TMTC1: variants seen among roughly 807,000 people sequenced by gnomAD.
TMTC1 encodes protein O-mannosyl-transferase TMTC1.
A neutral mutation model predicts 104.8 loss-of-function variants in TMTC1; 73 were observed. The ratio of observed to expected loss-of-function variants is 0.70; its 90% CI spans 0.58 to 0.85. TMTC1 has a LOEUF of 0.85. Ranked by LOEUF, TMTC1 falls within the 40% of genes least tolerant of loss-of-function variation. TMTC1 has a pLI of 0.00. For synonymous variants in TMTC1, 434 were observed against 428.7 expected, an observed-to-expected ratio of 1.01 and a Z score of -0.15; for missense variants, 1,035 against 1,096.1, an observed-to-expected ratio of 0.94 and a Z score of 0.79.
intron 6 of TMTC1, 23 bp downstream of exon 6, chr12:29,633,124 C>A: frequency 6.3e-7 from 1 of 1,593,428 alleles, no homozygotes; most frequent in South Asian, 1.1e-5. Context: ...ATGCAGAGTT[C>A]ATTCTACTTT....
intron 7 of TMTC1, among the ~76,000 whole-genome samples, chr12:29,587,505 G>A (rs58290227): frequency 0.13 from 19,101 of 151,696 alleles, 1,541 homozygotes; most frequent in African/African-American, 0.23. Context: ...ACTAATTTTT[G>A]TATTTTTCTG....
intron 7 of TMTC1, among the ~76,000 whole-genome samples, chr12:29,585,794 C>T (rs1204882069): frequency 6.6e-6 from 1 of 152,124 alleles, no homozygotes; most frequent in Non-Finnish European, 1.5e-5. Flanking sequence ...TTCCATTGGT[C>T]TATATCTCTG....
chr12:29,608,708 G>A (rs1946766392), intron 6 of TMTC1, among the ~76,000 whole-genome samples: 1 of 152,144 alleles, frequency 6.6e-6, no homozygotes, highest in African/African-American at 2.4e-5. Context: ...GAGCTGCAAA[G>A]AGGTGAAAAT....
intron 1 of TMTC1, among the ~76,000 whole-genome samples, chr12:29,773,627 T>TGG (rs1943643333): frequency 6.6e-6 from 1 of 152,120 alleles, no homozygotes; most frequent in East Asian, 1.9e-4. Flanking sequence ...GCCCTGAAGC[T>TGG]GGAGTTTTCC....
intron 5 of TMTC1, among the ~76,000 whole-genome samples, chr12:29,681,953 T>C (rs958020856): frequency 6.6e-6 from 1 of 152,182 alleles, no homozygotes; most frequent in African/African-American, 2.4e-5. Context: ...ATTTTAAAAA[T>C]TGTGTATATG....
At chr12:29,559,827 G>A (rs1463708652) in intron 9 of TMTC1, among the ~76,000 whole-genome samples, 3 of 152,074 alleles carry the variant, frequency 2.0e-5, no homozygotes, top group Non-Finnish European at 4.4e-5. Context: ...ATCTGAGGAG[G>A]CTCACCTAAT....
intron 7 of TMTC1, among the ~76,000 whole-genome samples, chr12:29,585,902 G>C (rs544077664): frequency 1.5e-3 from 231 of 152,258 alleles, no homozygotes; most frequent in Middle Eastern, 3.4e-3. Flanking sequence ...TTTTGGCTTA[G>C]GACTGACTTG....
At chr12:29,656,093 T>C (rs1208113805) in intron 5 of TMTC1, among the ~76,000 whole-genome samples, 1 of 151,868 alleles carries the variant, frequency 6.6e-6, no homozygotes, top group African/African-American at 2.4e-5. Context: ...GCACAGCTGC[T>C]AAGAAGGAAA....
At chr12:29,609,981 G>A (rs1179793877) in intron 6 of TMTC1, 1 of 152,446 alleles carries the variant, frequency 6.6e-6, no homozygotes, top group Non-Finnish European at 1.5e-5. Context: ...GCTCTCAGCA[G>A]GTGCTGGGTG....
chr12:29,773,932 C>G (rs1255667546), intron 1 of TMTC1, among the ~76,000 whole-genome samples: 1 of 152,122 alleles, frequency 6.6e-6, no homozygotes, highest in Non-Finnish European at 1.5e-5. Context: ...AAGAGCTTCT[C>G]GAAGTTGCAG....
chr12:29,664,963 T>A (rs1201754294), intron 5 of TMTC1, among the ~76,000 whole-genome samples: 1 of 152,194 alleles, frequency 6.6e-6, no homozygotes, highest in Non-Finnish European at 1.5e-5. Flanking sequence ...ATTCCTCTGA[T>A]CCCATCTAAC....
chr12:29,769,516 G>A (rs1001771848), intron 1 of TMTC1, among the ~76,000 whole-genome samples: 1 of 152,210 alleles, frequency 6.6e-6, no homozygotes, highest in Non-Finnish European at 1.5e-5. Flanking sequence ...TGCCATTCCT[G>A]TATAGAAACA....
At chr12:29,552,824 C>T (rs1472591756) in intron 10 of TMTC1, among the ~76,000 whole-genome samples, 3 of 152,264 alleles carry the variant, frequency 2.0e-5, no homozygotes, top group East Asian at 3.9e-4. Flanking sequence ...AAAGTTAACT[C>T]AATGGAGAAA....
At chr12:29,548,096 G>A (rs917572291) in intron 10 of TMTC1, among the ~76,000 whole-genome samples, 2 of 152,134 alleles carry the variant, frequency 1.3e-5, no homozygotes, top group African/African-American at 2.4e-5. Context: ...TGGAGGGAGC[G>A]CCTCAACTGA....
chr12:29,558,322 A>G (rs1342788865), intron 9 of TMTC1, among the ~76,000 whole-genome samples: 1 of 152,184 alleles, frequency 6.6e-6, no homozygotes, highest in African/African-American at 2.4e-5. Context: ...CCTTGACCAT[A>G]AAATGCCATG....
intron 5 of TMTC1, among the ~76,000 whole-genome samples, chr12:29,647,506 C>T (rs979014291): frequency 2.7e-5 from 4 of 150,660 alleles, no homozygotes; most frequent in South Asian, 2.1e-4. Context: ...GGGGCTATAA[C>T]GGATGCAACA....
chr12:29,661,687 C>T (rs1346788914), intron 5 of TMTC1, among the ~76,000 whole-genome samples: 3 of 152,272 alleles, frequency 2.0e-5, no homozygotes, highest in East Asian at 3.9e-4. Context: ...CCACCCACCT[C>T]AGCCTCCCAA....
chr12:29,702,832 T>C (rs1453200061), intron 5 of TMTC1, among the ~76,000 whole-genome samples: 1 of 152,186 alleles, frequency 6.6e-6, no homozygotes, highest in Non-Finnish European at 1.5e-5. Flanking sequence ...AGGACTGCGA[T>C]ATTTTCTAAT....
chr12:29,768,206 A>C, intron 1 of TMTC1, 131 bp from the exon 2 acceptor site: 2 of 734,790 alleles, frequency 2.7e-6, no homozygotes, highest in Non-Finnish European at 4.2e-6. Context: ...GATTCCCAAC[A>C]TTGGGTTATT....
Sources: allele counts gnomAD v4.1 joint callset (sites outside exome capture counted in the v4.1 genomes callset), GRCh38; gene constraint gnomAD v4.1.1; transcripts MANE v1.5; gene names NCBI Gene and HGNC (gene_info 2026-07-23, HGNC 2026-07-21).